EFL1: variants seen among roughly 807,000 people sequenced by gnomAD.
EFL1 encodes the protein elongation factor like GTPase 1.
EFL1 carries 76 observed loss-of-function variants against 126.7 expected under a neutral mutation model. The ratio of observed to expected loss-of-function variants is 0.60; its 90% CI spans 0.50 to 0.73. The LOEUF is 0.73. Among genes scored for constraint, EFL1 ranks in the 30% least tolerant of loss-of-function variants. EFL1 has a pLI of 0.00. For synonymous variants in EFL1, 410 were observed against 448.4 expected (o/e 0.91, Z 1.08); for missense variants, 1,128 against 1,343.2 (o/e 0.84, Z 2.50).
rs565787988 is a variant in EFL1 at position 82,174,050 on chromosome 15, G to A, written c.1751-10066C>T. Among the ~76,000 whole-genome samples, 5 of 152,222 alleles carry A rather than the reference G, an allele frequency of 3.3e-5. No homozygotes were observed. The South Asian group carries it at 6.2e-4, about 19-fold the overall frequency. On this transcript the variant is annotated intron_variant, in intron 15 of 19. Transcript: ENST00000268206. ...TAAAAATACAAAAAATTAGCCGGAGGTGGTGGCGGAAGCCTATAGTCCCAG... is the reference window on the plus strand; with the variant it reads ...TAAAAATACAAAAAATTAGCCGGAGATGGTGGCGGAAGCCTATAGTCCCAG...
chr15:82,150,554 T>C (rs2073896247), intron 18 of EFL1, among the ~76,000 whole-genome samples: 1 of 152,184 alleles, frequency 6.6e-6, no homozygotes, highest in Non-Finnish European at 1.5e-5. Flanking sequence ...CCCCTTTCTT[T>C]ACCTATGTAA....
intron 16 of EFL1, among the ~76,000 whole-genome samples, chr15:82,162,939 A>G (rs1341050462): frequency 6.6e-6 from 1 of 152,246 alleles, no homozygotes; most frequent in Non-Finnish European, 1.5e-5. Context: ...CTTCACTGAC[A>G]ATCACTAGCA....
intron 19 of EFL1, among the ~76,000 whole-genome samples, chr15:82,132,240 C>T (rs1232667267): frequency 6.6e-6 from 1 of 152,104 alleles, no homozygotes; most frequent in East Asian, 1.9e-4. Flanking sequence ...GAGGCAGGTA[C>T]AGAGAAAATC....
intron 15 of EFL1, among the ~76,000 whole-genome samples, chr15:82,186,039 T>C (rs1487902655): frequency 2.6e-5 from 4 of 152,192 alleles, no homozygotes; most frequent in African/African-American, 9.6e-5. Flanking sequence ...GTATAAAATT[T>C]AATTTTTGCT....
intron 17 of EFL1, among the ~76,000 whole-genome samples, chr15:82,154,515 AAT>A (rs1301286115): frequency 1.3e-5 from 2 of 152,044 alleles, no homozygotes; most frequent in African/African-American, 4.8e-5. Flanking sequence ...TGTGAAATGT[AAT>A]AGTCATATAG....
At chr15:82,230,707 C>G (rs1189846414) in intron 8 of EFL1, 141 bp downstream of exon 8, 6 of 958,100 alleles carry the variant, frequency 6.3e-6, no homozygotes, top group Non-Finnish European at 8.5e-6. Context: ...TAAGCCTTTC[C>G]CAATTATATA....
intron 15 of EFL1, among the ~76,000 whole-genome samples, chr15:82,172,442 G>T (rs953796098): frequency 6.6e-6 from 1 of 152,032 alleles, no homozygotes; most frequent in Non-Finnish European, 1.5e-5. Flanking sequence ...TTCTGATTGG[G>T]GCCTACTACT....
chr15:82,216,029 A>G (rs993554547), intron 14 of EFL1, among the ~76,000 whole-genome samples: 2 of 152,200 alleles, frequency 1.3e-5, no homozygotes, highest in Non-Finnish European at 2.9e-5. Flanking sequence ...ACAGCTTAGC[A>G]AGGTGGCAAA....
At chr15:82,212,548 G>T (rs909953431) in intron 15 of EFL1, among the ~76,000 whole-genome samples, 5 of 152,158 alleles carry the variant, frequency 3.3e-5, no homozygotes, top group Admixed American at 3.3e-4. Context: ...AATTCAAAAA[G>T]CCCCATCAAA....
intron 15 of EFL1, among the ~76,000 whole-genome samples, chr15:82,187,183 C>A (rs772712884): frequency 7.2e-5 from 11 of 152,138 alleles, no homozygotes; most frequent in Non-Finnish European, 1.6e-4. Flanking sequence ...CCTACAGAGG[C>A]GGCACTTGTC....
At chr15:82,138,422 G>GT (rs1217930429) in intron 19 of EFL1, among the ~76,000 whole-genome samples, 1 of 111,538 alleles carries the variant, frequency 9.0e-6, no homozygotes, top group African/African-American at 3.4e-5. Flanking sequence ...GAGAGAGAGA[G>GT]AGAGTGTATG....
intron 19 of EFL1, among the ~76,000 whole-genome samples, chr15:82,131,807 A>AG (rs35881324): frequency 6.6e-6 from 1 of 152,158 alleles, no homozygotes; most frequent in African/African-American, 2.4e-5. Context: ...GAAAAAAAAA[A>AG]GTTCAATTTT....
At chr15:82,202,269 C>A (rs1164023639) in intron 15 of EFL1, among the ~76,000 whole-genome samples, 1 of 151,974 alleles carries the variant, frequency 6.6e-6, no homozygotes, top group Non-Finnish European at 1.5e-5. Flanking sequence ...CAGAAAAGTA[C>A]TCTTTTCCTA....
chr15:82,251,477 A>C (rs890464735), intron 4 of EFL1, among the ~76,000 whole-genome samples: 1 of 152,208 alleles, frequency 6.6e-6, no homozygotes, highest in Admixed American at 6.5e-5. Flanking sequence ...TAAAACTGAC[A>C]CCAGAGGAAT....
chr15:82,258,971 G>T, intron 3 of EFL1, 117 bp downstream of exon 3: 1 of 907,584 alleles, frequency 1.1e-6, no homozygotes, highest in Non-Finnish European at 1.7e-6. Flanking sequence ...GCAGCTTTTA[G>T]ACGCAAGAAT....
chr15:82,143,715 G>A lies in EFL1; in HGVS notation c.2990-4873C>T, dbSNP rs1002087209. Among the ~76,000 whole-genome samples the A allele has an allele frequency of 3.9e-5, 6 of 152,312 alleles. No homozygotes were observed. The East Asian group carries it at 1.2e-3, about 29-fold the overall frequency. On this transcript the variant is annotated intron_variant, in intron 18 of 19. Transcript: ENST00000268206. ...TTGATGTTAACAGGTCAAACCCACT[G>A]TGGAAAGTTGTCCTTAGTGAGTCTG...
intron 15 of EFL1, among the ~76,000 whole-genome samples, chr15:82,202,395 T>C (rs1288361550): frequency 1.3e-5 from 2 of 152,232 alleles, no homozygotes; most frequent in East Asian, 1.9e-4. Flanking sequence ...GCTTCACTTA[T>C]CATTTTCTTT....
In EFL1 at chr15:82,238,513, C is replaced by T. The variant is rs955621188; in HGVS notation, c.525G>A (p.Ala175=). The T allele has an allele frequency of 1.1e-5, 18 of 1,609,426 alleles. No individual in the cohort carries two copies. Among genetic ancestry groups the T allele is most frequent in the African/African-American group, 2.7e-5 (2 of 74,852 alleles). ...TAGAAGTAAAAAGAGTCCCTGTGAG[C>T]GCATTAATCTAGGAGAGATGGTGAA... ...HLKNILEQIN[A]LTGTLFTSKV... is the part of the protein sequence containing the mutation. Residue 175 remains alanine (A), a synonymous_variant, in exon 7 of 20, where the codon GCG becomes GCA. Coordinates refer to ENST00000268206, the MANE Select transcript of EFL1 (RefSeq NM_024580.6).
In EFL1 at chr15:82,139,190, G is replaced by C. The variant is rs377341555; in HGVS notation, c.2990-348C>G. 5.9e-5 allele frequency among the ~76,000 whole-genome samples: 9 copies of C among 152,140 alleles called. No individual in the cohort carries two copies. The East Asian group carries it at 1.7e-3, about 29-fold the overall frequency. ...TGAAATCCAATGAGATGAGTGACTG[G>C]GCTTCATAAATATTAAAATATTTGA... On this transcript the variant is annotated intron_variant, in intron 18 of 19. Coordinates refer to ENST00000268206, the MANE Select transcript of EFL1 (RefSeq NM_024580.6).
Sources: allele counts gnomAD v4.1 joint callset (sites outside exome capture counted in the v4.1 genomes callset), GRCh38; gene constraint gnomAD v4.1.1; transcripts MANE v1.5; gene names NCBI Gene and HGNC (gene_info 2026-07-23, HGNC 2026-07-21).